Variants in SESN3 observed in about 807,000 individuals in gnomAD.
SESN3 encodes sestrin-3.
SESN3 carries 21 observed loss-of-function variants against 55.3 expected under a neutral mutation model. The ratio of observed to expected loss-of-function variants is 0.38; its 90% CI spans 0.27 to 0.55. The LOEUF (loss-of-function observed/expected upper bound fraction) is 0.55. SESN3 is among the 20% of genes least tolerant of loss of function. The pLI is 0.76. For synonymous variants in SESN3, 181 were observed against 203.1 expected, an observed-to-expected ratio of 0.89 and a Z score of 0.93; for missense variants, 408 against 604.3, an observed-to-expected ratio of 0.68 and a Z score of 3.41.
At chr11:95,225,402 C>T (rs767273679) in intron 1 of SESN3, among the ~76,000 whole-genome samples, 5 of 152,170 alleles carry the variant, frequency 3.3e-5, no homozygotes, top group Non-Finnish European at 5.9e-5. Context: ...TTCAGTTAAT[C>T]TACAATAGTA....
chr11:95,187,863 G>A (rs1860194892), intron 4 of SESN3, among the ~76,000 whole-genome samples: 1 of 151,678 alleles, frequency 6.6e-6, no homozygotes, highest in Non-Finnish European at 1.5e-5. Flanking sequence ...TTGTCAGCCT[G>A]TATATGCTCA....
rs1859742923 is a variant in SESN3 at position 95,166,184 on chromosome 11, T to A, written c.*7071A>T. 1 of 152,012 alleles carries A rather than the reference T, an allele frequency of 6.6e-6. No individual in the cohort carries two copies. Among genetic ancestry groups the A allele is most frequent in the Non-Finnish European group, 1.5e-5 (1 of 67,998 alleles). 9.4% of individuals were successfully genotyped at this position (152,012 alleles called of 1,614,324 possible). A position where few individuals can be genotyped will look rare whatever the true frequency, so the allele number is the denominator to read the frequency against. Reference sequence around the variant, plus strand: ...TAAAAGCTTATTCTAATTTAAAACCTTATAGAGTAAGAGACTGATATATAT... The same window carrying A: ...TAAAAGCTTATTCTAATTTAAAACCATATAGAGTAAGAGACTGATATATAT... On this transcript the variant is annotated 3_prime_UTR_variant, in exon 10 of 10. Transcript: ENST00000536441.
chr11:95,223,637 A>T (rs981888087), intron 1 of SESN3, among the ~76,000 whole-genome samples: 5 of 152,226 alleles, frequency 3.3e-5, no homozygotes, highest in African/African-American at 1.2e-4. Flanking sequence ...AGCATCTGCA[A>T]GTGATACACA....
rs1042107219 is a variant in SESN3 at position 95,166,201 on chromosome 11, G to GAT, written c.*7052_*7053dup. 9 of 151,396 alleles carry GAT rather than the reference G, an allele frequency of 5.9e-5. No individual in the cohort carries two copies. Among genetic ancestry groups the GAT allele is most frequent in the Admixed American group, 2.6e-4 (4 of 15,192 alleles). 9.4% of individuals were successfully genotyped at this position (151,396 alleles called of 1,614,324 possible). On this transcript the variant is annotated 3_prime_UTR_variant, in exon 10 of 10. Coordinates refer to ENST00000536441, the MANE Select transcript of SESN3 (RefSeq NM_144665.4). Reference sequence around the variant, plus strand: ...TTAAAACCTTATAGAGTAAGAGACTGATATATATAGCAGTCTTAAAGATCA... The same window carrying GAT: ...TTAAAACCTTATAGAGTAAGAGACTGATATATATATAGCAGTCTTAAAGATCA...
intron 1 of SESN3, among the ~76,000 whole-genome samples, chr11:95,214,228 A>T (rs1591072890): frequency 1.3e-5 from 2 of 152,342 alleles, no homozygotes; most frequent in South Asian, 4.1e-4. Context: ...CTTCTGGGGC[A>T]GCCCATGCGT....
rs528050635 is a variant in SESN3 at position 95,170,023 on chromosome 11, T to C, written c.*3232A>G. On this transcript the variant is annotated 3_prime_UTR_variant, in exon 10 of 10. Coordinates refer to ENST00000536441, the MANE Select transcript of SESN3 (RefSeq NM_144665.4). ...CAAGGCTATGCCCCAGATTCCATGT[T>C]AGCCATCTTTTATTTTAAAAATACC... is the stretch of plus-strand genomic sequence containing the variant. 2 of 152,332 alleles carry C rather than the reference T, an allele frequency of 1.3e-5. No homozygotes were observed. The highest frequency in any genetic ancestry group is 1.3e-4 in the Admixed American group (2 of 15,300). 9.4% of individuals were successfully genotyped at this position (152,332 alleles called of 1,614,324 possible).
intron 1 of SESN3, among the ~76,000 whole-genome samples, chr11:95,195,799 T>C (rs1469207967): frequency 1.3e-5 from 2 of 152,230 alleles, no homozygotes; most frequent in East Asian, 3.8e-4. Flanking sequence ...AAACTTCTTG[T>C]TGCTTACTGC....
chr11:95,225,621 G>A (rs1277740794), intron 1 of SESN3, among the ~76,000 whole-genome samples: 1 of 152,094 alleles, frequency 6.6e-6, no homozygotes, highest in Non-Finnish European at 1.5e-5. Context: ...ACTGAGACCA[G>A]GCCACTTAAA....
rs1591038105 is a variant in SESN3 at position 95,168,029 on chromosome 11, G to T, written c.*5226C>A. The stretch of plus-strand genomic sequence containing the variant: ...GGCTTAGTCTAACCCAGGAAAGCCT[G>T]GTTAAACCCTTATGTACCCAATTTT... On this transcript the variant is annotated 3_prime_UTR_variant, in exon 10 of 10. Coordinates refer to ENST00000536441, the MANE Select transcript of SESN3 (RefSeq NM_144665.4). The T allele has an allele frequency of 6.6e-6, 1 of 152,082 alleles. No homozygotes were observed. The highest frequency in any genetic ancestry group is 1.5e-5 in the Non-Finnish European group (1 of 68,010). 9.4% of individuals were successfully genotyped at this position (152,082 alleles called of 1,614,324 possible).
rs1198641546 is a variant in SESN3, at chr11:95,171,676, G to GAAAAATGGATAAGTTTTC, written c.*1561_*1578dup. Reference sequence around the variant, plus strand: ...AAATTTTATCTATATTATTTACTATGAAAAATGGATAAGTTTTCAAAAATT... The same window carrying GAAAAATGGATAAGTTTTC: ...AAATTTTATCTATATTATTTACTATGAAAAATGGATAAGTTTTCAAAAATGGATAAGTTTTCAAAAATT... On this transcript the variant is annotated 3_prime_UTR_variant, in exon 10 of 10. Coordinates refer to ENST00000536441, the MANE Select transcript of SESN3 (RefSeq NM_144665.4). 1.3e-5 allele frequency: 2 copies of GAAAAATGGATAAGTTTTC among 152,240 alleles called. No homozygotes were observed. The highest frequency in any genetic ancestry group is 3.9e-4 in the East Asian group (2 of 5,188). The allele number at this position is 152,240 out of a possible 1,614,324, so 9.4% of individuals were successfully genotyped here.
chr11:95,175,576 C>T lies in SESN3; in HGVS notation c.1314G>A (p.Lys438=), dbSNP rs754569981. 3 of 1,613,644 alleles carry T rather than the reference C, an allele frequency of 1.9e-6. No homozygotes were observed. The highest frequency in any genetic ancestry group is 2.5e-6 in the Non-Finnish European group (3 of 1,179,580). The change falls in exon 9 of 10, where the codon AAG becomes AAA. Residue 438 remains lysine (K), a synonymous_variant. Transcript: ENST00000536441. ...LLERSLKVYI[K]TVTCYPERTT... ...TTCTCTCAGGATAGCAGGTCACTGT[C>T]TTAATGTAAACCTTCAGGCTTCTTT...
intron 1 of SESN3, among the ~76,000 whole-genome samples, chr11:95,208,658 G>C (rs1404211155): frequency 6.6e-6 from 1 of 151,396 alleles, no homozygotes; most frequent in Admixed American, 6.6e-5. Flanking sequence ...CATGCTACCT[G>C]GCTTCAAACT....
At position 95,183,613 on chromosome 11, in the gene SESN3, C is replaced by T. The variant is rs1392020508; in HGVS notation, c.937+807G>A. ...AAGAGAACCGCTTGAACCTAGGAGA[C>T]GGAGGTTGCAGTGAGCCAAGATCAC... On this transcript the variant is annotated intron_variant, in intron 6 of 9. Coordinates refer to ENST00000536441, the MANE Select transcript of SESN3 (RefSeq NM_144665.4). Among the ~76,000 whole-genome samples, 7 of 147,526 alleles carry T rather than the reference C, an allele frequency of 4.7e-5. No individual in the cohort carries two copies. In the East Asian group the frequency reaches 1.0e-3, roughly 21 times the overall value.
At chr11:95,182,894 G>A (rs1157182777) in intron 6 of SESN3, among the ~76,000 whole-genome samples, 2 of 151,962 alleles carry the variant, frequency 1.3e-5, no homozygotes, top group Admixed American at 1.3e-4. Context: ...GTCCTCCTGT[G>A]CCCCTCAGTC....
chr11:95,211,032 A>C (rs182443561), intron 1 of SESN3, among the ~76,000 whole-genome samples: 17 of 152,370 alleles, frequency 1.1e-4, no homozygotes, highest in African/African-American at 4.1e-4. Context: ...AGAAATGATA[A>C]GATGCTCTGA....
intron 1 of SESN3, among the ~76,000 whole-genome samples, chr11:95,223,081 T>G (rs1860886681): frequency 1.3e-5 from 2 of 152,140 alleles, no homozygotes; most frequent in African/African-American, 2.4e-5. Context: ...CCCTTATGCT[T>G]ATGCCTTCAA....
At chr11:95,186,520 A>G (rs1860170667) in intron 4 of SESN3, among the ~76,000 whole-genome samples, 1 of 151,874 alleles carries the variant, frequency 6.6e-6, no homozygotes, top group African/African-American at 2.4e-5. Flanking sequence ...ATAGCTAGAT[A>G]GAAGGAATAA....
At chr11:95,185,194 A>G (rs1173915311) in intron 5 of SESN3, 62 bp downstream of exon 5, 1 of 914,324 alleles carries the variant, frequency 1.1e-6, no homozygotes, top group Admixed American at 2.0e-5. Context: ...TTCTCTCTAG[A>G]TATTTTTAAT....
intron 1 of SESN3, among the ~76,000 whole-genome samples, chr11:95,211,880 A>G (rs1226554873): frequency 6.6e-6 from 1 of 152,218 alleles, no homozygotes; most frequent in Admixed American, 6.5e-5. Context: ...GAAAAGATTT[A>G]CAGAATAGGC....
Sources: gnomAD v4.1 joint callset for allele counts (sites outside exome capture counted in the v4.1 genomes callset) on GRCh38, gnomAD v4.1.1 for gene constraint, MANE v1.5 for transcripts, NCBI Gene and HGNC (gene_info 2026-07-23, HGNC 2026-07-21) for gene names.